Variants in EXOC4 observed in about 807,000 individuals in gnomAD.
The protein encoded by EXOC4 is exocyst complex component 4.
Under a neutral mutation model 107.2 loss-of-function variants are expected in EXOC4, and 71 were observed. The observed-to-expected ratio is 0.66, with a 90% CI of 0.55 to 0.81. EXOC4 has a LOEUF of 0.81. Among genes scored for constraint, EXOC4 ranks in the 30% least tolerant of loss-of-function variants. The pLI, the probability that EXOC4 is intolerant of heterozygous loss-of-function variation, is 0.00. For missense variants in EXOC4, 1,108 were observed against 1,189.6 expected (o/e 0.93, Z 1.01); for synonymous variants, 456 against 441.2 (o/e 1.03, Z -0.42).
chr7:133,474,157 T>A lies in EXOC4; in HGVS notation c.1183-1171T>A, dbSNP rs1798952725. ...TTGTTTTATAACTCTTCCTTCTTAT[T>A]ATCTTTCTTTGTGGTTACATGATCT... On this transcript the variant is annotated intron_variant, in intron 7 of 17. Transcript: ENST00000253861. Among the ~76,000 whole-genome samples, 6 of 152,184 alleles carry A rather than the reference T, an allele frequency of 3.9e-5. No homozygotes were observed. In the South Asian group the frequency reaches 1.2e-3, roughly 31 times the overall value.
At chr7:134,073,853 C>T in the EXOC4 span, among the ~76,000 whole-genome samples, 1 of 152,110 alleles carries the variant, frequency 6.6e-6, no homozygotes, top group African/African-American at 2.4e-5. Context: ...GCGGGGTGAG[C>T]ACTACGTCAT....
At chr7:133,936,527 G>T (rs1424545788) in intron 13 of EXOC4, among the ~76,000 whole-genome samples, 13 of 152,110 alleles carry the variant, frequency 8.5e-5, no homozygotes, top group Non-Finnish European at 2.9e-5. Flanking sequence ...TAAAAGCCTT[G>T]GGTCTTACAG....
At chr7:133,279,727 C>CAT (rs1563000063) in intron 2 of EXOC4, among the ~76,000 whole-genome samples, 2 of 152,112 alleles carry the variant, frequency 1.3e-5, no homozygotes, top group Non-Finnish European at 2.9e-5. Flanking sequence ...CTATGTTACC[C>CAT]AGGATGGTCT....
chr7:133,762,328 A>G (rs1203136795), intron 10 of EXOC4, among the ~76,000 whole-genome samples: 3 of 152,186 alleles, frequency 2.0e-5, no homozygotes, highest in Admixed American at 2.0e-4. Context: ...ATCAAATGAC[A>G]TCAGGTATGT....
At chr7:134,017,701 G>T (rs1563093132) in intron 17 of EXOC4, among the ~76,000 whole-genome samples, 1 of 152,066 alleles carries the variant, frequency 6.6e-6, no homozygotes, top group Non-Finnish European at 1.5e-5. Context: ...TTACTGGTCT[G>T]CATATCCTTC....
At chr7:134,042,492 G>A (rs1376049562) in intron 17 of EXOC4, among the ~76,000 whole-genome samples, 1 of 150,292 alleles carries the variant, frequency 6.7e-6, no homozygotes, top group Non-Finnish European at 1.5e-5. Context: ...AAAAAAAAAG[G>A]AAAGTGAAAG....
At chr7:134,007,086 T>C (rs1563089031) in intron 16 of EXOC4, among the ~76,000 whole-genome samples, 1 of 152,336 alleles carries the variant, frequency 6.6e-6, no homozygotes, top group East Asian at 1.9e-4. Flanking sequence ...TATACACCCA[T>C]TGCCATTGTT....
At chr7:133,306,839 C>A (rs1462324087) in intron 4 of EXOC4, among the ~76,000 whole-genome samples, 1 of 152,040 alleles carries the variant, frequency 6.6e-6, no homozygotes, top group Admixed American at 6.6e-5. Context: ...CACTTTTATT[C>A]CTTGGTTGGT....
intron 9 of EXOC4, chr7:133,484,145 T>G: frequency 6.2e-7 from 1 of 1,608,670 alleles, no homozygotes; most frequent in Non-Finnish European, 8.5e-7. Flanking sequence ...ATCATACAAT[T>G]AGAAATGTGA....
intron 10 of EXOC4, among the ~76,000 whole-genome samples, chr7:133,723,359 G>C (rs1226644822): frequency 6.6e-6 from 1 of 152,224 alleles, no homozygotes. Context: ...ATCTTAGATG[G>C]AATTGGTTAG....
chr7:133,834,413 A>G (rs1281493175), intron 11 of EXOC4, among the ~76,000 whole-genome samples: 1 of 152,200 alleles, frequency 6.6e-6, no homozygotes, highest in Non-Finnish European at 1.5e-5. Flanking sequence ...GGATTAGTTT[A>G]GATTGTACAA....
At position 133,516,758 on chromosome 7, in the gene EXOC4, A is replaced by ATTTTTTTTTTTTTTTTTTTTTTTTTTTT. The variant is rs780319592; in HGVS notation, c.1417+36634_1417+36635insTTTTTTTTTTTTTTTTTTTTTTTTTTTT. 6.1e-5 allele frequency among the ~76,000 whole-genome samples: 3 copies of ATTTTTTTTTTTTTTTTTTTTTTTTTTTT among 49,042 alleles called. 1 individual carries two copies. Among genetic ancestry groups the ATTTTTTTTTTTTTTTTTTTTTTTTTTTT allele is most frequent in the Non-Finnish European group, 3.9e-5 (1 of 25,538 alleles). 32.2% of individuals were successfully genotyped at this position (49,042 alleles called of 152,430 possible). A position where few individuals can be genotyped will look rare whatever the true frequency, so the allele number is the denominator to read the frequency against. ...TGGGAAACTGCCAAACTAGCTGCTC[A>ATTTTTTTTTTTTTTTTTTTTTTTTTTTT]TTTTTTTTTTTTTTACAGAATTTAT... On this transcript the variant is annotated intron_variant, in intron 9 of 17. Coordinates refer to ENST00000253861, the MANE Select transcript of EXOC4 (RefSeq NM_021807.4).
intron 5 of EXOC4, among the ~76,000 whole-genome samples, chr7:133,329,104 G>C (rs1377066897): frequency 6.6e-6 from 1 of 152,102 alleles, no homozygotes. Context: ...TTTCTTGGAG[G>C]CTTTGTTCAT....
At chr7:133,694,846 C>G (rs117842280) in intron 10 of EXOC4, among the ~76,000 whole-genome samples, 3,646 of 152,204 alleles carry the variant, frequency 0.024, 112 homozygotes, top group South Asian at 0.028. Flanking sequence ...AACCTTTCAT[C>G]ATCTTCCCTT....
chr7:133,338,364 C>T (rs1170915585), intron 5 of EXOC4, among the ~76,000 whole-genome samples: 6 of 150,566 alleles, frequency 4.0e-5, no homozygotes, highest in Non-Finnish European at 7.4e-5. Flanking sequence ...GAGGCCGAGG[C>T]GGGTGGATCA....
chr7:133,939,683 G>A (rs768825860), intron 14 of EXOC4, among the ~76,000 whole-genome samples: 1 of 152,126 alleles, frequency 6.6e-6, no homozygotes, highest in Non-Finnish European at 1.5e-5. Context: ...CTTTTTATCT[G>A]ATGATGAAAT....
chr7:133,492,169 C>G (rs979126746), intron 9 of EXOC4, among the ~76,000 whole-genome samples: 1 of 151,896 alleles, frequency 6.6e-6, no homozygotes, highest in Non-Finnish European at 1.5e-5. Flanking sequence ...AGAGTGTAGA[C>G]AAAGAGGCAA....
chr7:133,529,785 A>G (rs538029507), intron 9 of EXOC4, among the ~76,000 whole-genome samples: 1 of 152,158 alleles, frequency 6.6e-6, no homozygotes, highest in Non-Finnish European at 1.5e-5. Context: ...TAAAAATATC[A>G]CTTTTATCTG....
chr7:133,744,749 T>C (rs908318127), intron 10 of EXOC4, among the ~76,000 whole-genome samples: 1 of 152,206 alleles, frequency 6.6e-6, no homozygotes, highest in African/African-American at 2.4e-5. Flanking sequence ...CTTTGCTGAT[T>C]GGTGACTTGG....
Sources: gnomAD v4.1 joint callset for allele counts (sites outside exome capture counted in the v4.1 genomes callset) on GRCh38, gnomAD v4.1.1 for gene constraint, MANE v1.5 for transcripts, NCBI Gene and HGNC (gene_info 2026-07-23, HGNC 2026-07-21) for gene names.